The following AIG1 variants were observed in gnomAD, a reference collection of about 807,000 sequenced individuals.
AIG1 encodes the protein androgen-induced gene 1 protein.
AIG1 carries 23 observed loss-of-function variants against 31.4 expected under a neutral mutation model. The ratio of observed to expected loss-of-function variants is 0.73; its 90% CI spans 0.53 to 1.04. The LOEUF (loss-of-function observed/expected upper bound fraction) is 1.04, where lower values mean the gene tolerates loss of function less well. Among genes scored for constraint, AIG1 ranks in the 50% least tolerant of loss-of-function variants. AIG1 has a pLI of 0.00. For synonymous variants in AIG1, 100 were observed against 110.5 expected (o/e 0.90, Z 0.60); for missense variants, 274 against 295.0 (o/e 0.93, Z 0.52).
rs1371315173 is a variant in AIG1 at position 143,108,508 on chromosome 6, C to T, written c.142-28327C>T. On this transcript the variant is annotated intron_variant, in intron 1 of 5. Transcript: ENST00000357847. ...TTTCTAGGAATAAAAAACAGAAGGG[C>T]AGTTTGCAGCTCAGAGATTTCTCAC... Among the ~76,000 whole-genome samples, 4 of 152,116 alleles carry T rather than the reference C, an allele frequency of 2.6e-5. No individual in the cohort carries two copies. The East Asian group carries it at 5.8e-4, about 22-fold the overall frequency.
In AIG1 at chr6:143,331,730, C is replaced by T. The variant is rs996553657; in HGVS notation, c.516-1552C>T. Among the ~76,000 whole-genome samples, 1 of 151,832 alleles carries T rather than the reference C, an allele frequency of 6.6e-6. No homozygotes were observed. The highest frequency in any genetic ancestry group is 2.4e-5 in the African/African-American group (1 of 41,310). ...TGCAAAATTGTTTTACCACCAACCC[C>T]AGAATGAATTTTCGCCTGCAAGAAG... On this transcript the variant is annotated intron_variant, in intron 4 of 5. Coordinates refer to ENST00000357847, the MANE Select transcript of AIG1 (RefSeq NM_016108.4). This position sits in a 1 kb window ranked among gnomAD's most constrained non-coding sequence, Gnocchi z 4.1.
chr6:143,265,520 GGTCCTCA>G (rs1299871478), intron 3 of AIG1, among the ~76,000 whole-genome samples: 1 of 151,874 alleles, frequency 6.6e-6, no homozygotes, highest in African/African-American at 2.4e-5. Flanking sequence ...GCTGCCTGGC[GGTCCTCA>G]ACTCAGATTC....
At chr6:143,260,280 A>C (rs930625504) in intron 3 of AIG1, among the ~76,000 whole-genome samples, 21 of 149,314 alleles carry the variant, frequency 1.4e-4, no homozygotes, top group African/African-American at 4.9e-4. Context: ...TGCCGACTGT[A>C]AAGGGCTGGG....
rs1777808302 is a variant in AIG1, at chr6:143,340,406, C to G, written c.*730C>G. 1 of 152,126 alleles carries G rather than the reference C, an allele frequency of 6.6e-6. No individual in the cohort carries two copies. Among genetic ancestry groups the G allele is most frequent in the South Asian group, 2.1e-4 (1 of 4,822 alleles). 9.4% of individuals were successfully genotyped at this position (152,126 alleles called of 1,614,324 possible). ...TGGGTTTACTGAACCTGGTTCTTTC[C>G]TATAATTTTTGGATTTTAAAAAATG... On this transcript the variant is annotated 3_prime_UTR_variant, in exon 6 of 6. Coordinates refer to ENST00000357847, the MANE Select transcript of AIG1 (RefSeq NM_016108.4).
intron 3 of AIG1, among the ~76,000 whole-genome samples, chr6:143,265,088 C>A (rs1796064148): frequency 6.6e-6 from 1 of 152,140 alleles, no homozygotes; most frequent in South Asian, 2.1e-4. Context: ...AGAGTCTTCC[C>A]AAAATCTCAT....
intron 3 of AIG1, chr6:143,189,715 T>A: frequency 1.0e-6 from 1 of 985,412 alleles, no homozygotes; most frequent in Non-Finnish European, 1.2e-6. Flanking sequence ...AGAACACAAT[T>A]TCCCTCAAAA....
At chr6:143,168,544 G>T (rs1222465900) in intron 3 of AIG1, among the ~76,000 whole-genome samples, 4 of 151,782 alleles carry the variant, frequency 2.6e-5, no homozygotes, top group Non-Finnish European at 5.9e-5. Context: ...TGCTGAGAAT[G>T]ATAGTTTCCA....
At chr6:143,314,632 A>C (rs902683967) in intron 4 of AIG1, among the ~76,000 whole-genome samples, 1 of 152,170 alleles carries the variant, frequency 6.6e-6, no homozygotes, top group African/African-American at 2.4e-5. Flanking sequence ...TATATGCAAT[A>C]AACTATAAAA....
intron 3 of AIG1, among the ~76,000 whole-genome samples, chr6:143,214,864 T>C (rs1224194580): frequency 6.6e-6 from 1 of 152,138 alleles, no homozygotes; most frequent in South Asian, 2.1e-4. Context: ...TGCTCCTGTT[T>C]CTCCCTACAA....
At chr6:143,223,401 A>C (rs1277443859) in intron 3 of AIG1, among the ~76,000 whole-genome samples, 1 of 152,212 alleles carries the variant, frequency 6.6e-6, no homozygotes, top group Non-Finnish European at 1.5e-5. Flanking sequence ...TGAAGGCTAC[A>C]GGTGTTTATT....
At chr6:143,302,179 TTTTA>T (rs1351202363) in intron 4 of AIG1, among the ~76,000 whole-genome samples, 6 of 151,690 alleles carry the variant, frequency 4.0e-5, no homozygotes, top group African/African-American at 1.5e-4. Flanking sequence ...AAACTAACAC[TTTTA>T]TTTTTTTATT....
chr6:143,316,807 A>C (rs1435873911), intron 4 of AIG1, among the ~76,000 whole-genome samples: 1 of 152,174 alleles, frequency 6.6e-6, no homozygotes, highest in African/African-American at 2.4e-5. Context: ...AAGCTCAATT[A>C]GAAAAGAAAC....
At chr6:143,313,684 TAA>T (rs1171183318) in intron 4 of AIG1, among the ~76,000 whole-genome samples, 3 of 151,986 alleles carry the variant, frequency 2.0e-5, no homozygotes, top group East Asian at 3.9e-4. Context: ...TAAAGATAAC[TAA>T]AAGAGTATAA....
chr6:143,170,822 A>G (rs1787434233), intron 3 of AIG1, among the ~76,000 whole-genome samples: 4 of 151,846 alleles, frequency 2.6e-5, no homozygotes, highest in Admixed American at 2.6e-4. Flanking sequence ...AATCACCACT[A>G]AAGAATTTAT....
rs1009579493 is a variant in AIG1 at position 143,064,845 on chromosome 6, GC to G, written c.141+3780del. ...TCTGTGTGAAGAGACCACCAAACAG[GC>G]TTTGTGTGAGCAATAAAGCTTTTAA... is the stretch of plus-strand genomic sequence containing the variant. On this transcript the variant is annotated intron_variant, in intron 1 of 5. Transcript: ENST00000357847. 2.6e-5 allele frequency among the ~76,000 whole-genome samples: 4 copies of G among 152,322 alleles called. No homozygotes were observed. The South Asian group carries it at 6.2e-4, about 24-fold the overall frequency.
At chr6:143,214,020 G>T (rs1791812335) in intron 3 of AIG1, among the ~76,000 whole-genome samples, 1 of 152,078 alleles carries the variant, frequency 6.6e-6, no homozygotes, top group Admixed American at 6.6e-5. Flanking sequence ...CTGAATAATT[G>T]CCACAACACT....
chr6:143,252,075 G>A (rs960985729), intron 3 of AIG1, among the ~76,000 whole-genome samples: 4 of 152,090 alleles, frequency 2.6e-5, no homozygotes, highest in Admixed American at 2.6e-4. Context: ...CTTGAGGGTG[G>A]TCTTACCATT....
At chr6:143,094,276 G>A (rs189412261) in intron 1 of AIG1, 2 of 152,274 alleles carry the variant, frequency 1.3e-5, no homozygotes. Flanking sequence ...TTCATTTCAG[G>A]GTGGTAGATC....
In AIG1 at chr6:143,339,747, G is replaced by T. The variant is rs372800373; in HGVS notation, c.*71G>T. 11 of 1,553,140 alleles carry T rather than the reference G, an allele frequency of 7.1e-6. No homozygotes were observed. Among genetic ancestry groups the T allele is most frequent in the African/African-American group, 1.4e-5 (1 of 72,840 alleles). ...CTCCTTCCCCTCGGGCATTGGCAGT[G>T]GGGGAGAAAAGGCTTCAAAGGAACT... On this transcript the variant is annotated 3_prime_UTR_variant, in exon 6 of 6. Transcript: ENST00000357847.
Sources: allele counts gnomAD v4.1 joint callset (sites outside exome capture counted in the v4.1 genomes callset), GRCh38; gene constraint gnomAD v4.1.1; non-coding constraint Gnocchi (gnomAD v3.1); transcripts MANE v1.5; gene names NCBI Gene and HGNC (gene_info 2026-07-23, HGNC 2026-07-21).